ACSS3: variants seen among roughly 807,000 people sequenced by gnomAD.
ACSS3 encodes the protein acyl-CoA synthetase short chain family member 3.
A neutral mutation model predicts 84.2 loss-of-function variants in ACSS3; 64 were observed. That is an observed-to-expected ratio of 0.76 (90% CI 0.62 to 0.94). The LOEUF (loss-of-function observed/expected upper bound fraction) is 0.94. Ranked by LOEUF, ACSS3 falls within the 40% of genes least tolerant of loss-of-function variation. The probability of loss-of-function intolerance (pLI) is 0.00; values close to 1 mark genes in which losing one functional copy is unlikely to be tolerated. For synonymous variants in ACSS3, 317 were observed against 310.1 expected (o/e 1.02, Z -0.23); for missense variants, 815 against 867.6 (o/e 0.94, Z 0.76).
chr12:81,218,938 TAAA>T (rs930063555), intron 10 of ACSS3, among the ~76,000 whole-genome samples: 1 of 150,522 alleles, frequency 6.6e-6, no homozygotes, highest in Admixed American at 6.6e-5. Flanking sequence ...AGTATAATAA[TAAA>T]AAAAAACGCA....
At chr12:81,167,008 CAG>C (rs1887434745) in intron 7 of ACSS3, among the ~76,000 whole-genome samples, 1 of 152,148 alleles carries the variant, frequency 6.6e-6, no homozygotes, top group Admixed American at 6.5e-5. Context: ...TGAAATAACT[CAG>C]AGATGAAAAC....
At chr12:81,199,586 C>T in intron 9 of ACSS3, 142 bp downstream of exon 9, 1 of 1,475,692 alleles carries the variant, frequency 6.8e-7, no homozygotes, top group Non-Finnish European at 9.1e-7. Context: ...TAAAAATAAG[C>T]AATTTTTTTA....
In ACSS3 at chr12:81,259,583, A is replaced by T. The variant is rs759257542; in HGVS notation, c.*4661A>T. The T allele has an allele frequency of 1.5e-5, 23 of 1,492,336 alleles. No individual in the cohort carries two copies. In the South Asian group the frequency reaches 2.8e-4, roughly 18 times the overall value. 92.4% of individuals were successfully genotyped at this position (1,492,336 alleles called of 1,614,324 possible). A position where few individuals can be genotyped will look rare whatever the true frequency, so the allele number is the denominator to read the frequency against. ...TGACGTCATTATTTCCTTAGAATTC[A>T]GTTTTCACAAAGGTTTTCACTGCTC... On this transcript the variant is annotated 3_prime_UTR_variant, in exon 16 of 16. Coordinates refer to ENST00000548058, the MANE Select transcript of ACSS3 (RefSeq NM_024560.4).
intron 9 of ACSS3, among the ~76,000 whole-genome samples, chr12:81,208,474 G>A (rs544443588): frequency 3.3e-5 from 5 of 151,798 alleles, no homozygotes; most frequent in South Asian, 2.1e-4. Context: ...CTTTTGCCCC[G>A]TATCCAGACA....
intron 9 of ACSS3, among the ~76,000 whole-genome samples, chr12:81,214,160 G>A (rs1211543912): frequency 2.0e-5 from 3 of 151,460 alleles, no homozygotes; most frequent in African/African-American, 7.3e-5. Context: ...CAAGTAGCTG[G>A]GATTGCAGGT....
intron 2 of ACSS3, among the ~76,000 whole-genome samples, chr12:81,123,254 A>G (rs1480570284): frequency 6.6e-6 from 1 of 152,096 alleles, no homozygotes; most frequent in Non-Finnish European, 1.5e-5. Flanking sequence ...AAAAAATTAA[A>G]GGAAGATTTT....
rs12302751 is a variant in ACSS3, at chr12:81,079,860, A to T, written c.311+1429A>T. On this transcript the variant is annotated intron_variant, in intron 1 of 15. Transcript: ENST00000548058. ...AAATATGGAAATAATTGGAGGCTTAACTTAGTAAAGGATGAAGACTATGTC... is the reference window on the plus strand; with the variant it reads ...AAATATGGAAATAATTGGAGGCTTATCTTAGTAAAGGATGAAGACTATGTC... Among the ~76,000 whole-genome samples the T allele has an allele frequency of 7.6e-3, 1,164 of 152,270 alleles. 18 individuals carry two copies. The highest frequency in any genetic ancestry group is 0.027 in the African/African-American group (1,122 of 41,556).
intron 7 of ACSS3, among the ~76,000 whole-genome samples, chr12:81,162,627 G>A (rs1264231509): frequency 6.6e-6 from 1 of 152,078 alleles, no homozygotes; most frequent in African/African-American, 2.4e-5. Flanking sequence ...TGAAGGGGAG[G>A]CTTCACTGGG....
chr12:81,138,958 T>G (rs909256073), intron 3 of ACSS3, among the ~76,000 whole-genome samples, 173 bp from the exon 4 acceptor site: 1 of 152,198 alleles, frequency 6.6e-6, no homozygotes, highest in African/African-American at 2.4e-5. Context: ...GTAGAAGTGA[T>G]CAAGTCTCTA....
chr12:81,195,240 A>G lies in ACSS3; in HGVS notation c.1251-4101A>G, dbSNP rs139772464. 2.6e-5 allele frequency among the ~76,000 whole-genome samples: 4 copies of G among 152,152 alleles called. No homozygotes were observed. In the East Asian group the frequency reaches 7.7e-4, roughly 29 times the overall value. On this transcript the variant is annotated intron_variant, in intron 8 of 15. Coordinates refer to ENST00000548058, the MANE Select transcript of ACSS3 (RefSeq NM_024560.4). ...CACAGGAGTTTTCTAAAATATCAGAAAAGTGTTTGAATAACATATGATTAA... is the reference window on the plus strand; with the variant it reads ...CACAGGAGTTTTCTAAAATATCAGAGAAGTGTTTGAATAACATATGATTAA...
chr12:81,162,340 C>T (rs1378202209), intron 7 of ACSS3, among the ~76,000 whole-genome samples: 4 of 152,154 alleles, frequency 2.6e-5, no homozygotes, highest in African/African-American at 9.7e-5. Flanking sequence ...TGAGAGGACA[C>T]CCAGAGTGGG....
chr12:81,130,638 C>G (rs2701786), intron 2 of ACSS3, among the ~76,000 whole-genome samples: 47,277 of 151,966 alleles, frequency 0.31, 7,622 homozygotes, highest in Admixed American at 0.44. Context: ...TTAATTAGAT[C>G]CCATTTGTCT....
chr12:81,192,691 G>T (rs2031633987), intron 8 of ACSS3, among the ~76,000 whole-genome samples: 2 of 152,112 alleles, frequency 1.3e-5, no homozygotes, highest in African/African-American at 2.4e-5. Flanking sequence ...CCTTTCCCAA[G>T]AAATTATTAT....
chr12:81,221,037 A>AT (rs1195140882), intron 11 of ACSS3, among the ~76,000 whole-genome samples: 3 of 152,004 alleles, frequency 2.0e-5, no homozygotes, highest in Admixed American at 1.3e-4. Flanking sequence ...TCTTGTTAAC[A>AT]TTTTTTTAAA....
intron 8 of ACSS3, among the ~76,000 whole-genome samples, chr12:81,192,378 T>C (rs1200561512): frequency 2.0e-5 from 3 of 151,864 alleles, no homozygotes; most frequent in East Asian, 3.9e-4. Flanking sequence ...AGACTCCATC[T>C]CAGGAAAAAA....
chr12:81,230,954 T>C, intron 11 of ACSS3, 103 bp from the exon 12 acceptor site: 1 of 900,154 alleles, frequency 1.1e-6, no homozygotes, highest in Non-Finnish European at 1.7e-6. Flanking sequence ...CAATGTAGGA[T>C]TTGAATTGTA....
Position 81,253,328 on chromosome 12 carries a change from G to C in ACSS3, c.1741G>C (p.Val581Leu). The change falls in exon 14 of 16, where the codon GTG (valine) becomes CTG (leucine). Residue 581 changes from valine (V) to leucine (L), a missense_variant. Transcript: ENST00000548058. ...IEESILSHGT[V>L]ADCAVVGKED... ...ACAGTCAATCCTTTCCCATGGTACC[G>C]TGGCAGACTGTGCTGTTGTTGGCAA... The C allele has an allele frequency of 6.2e-7, 1 of 1,613,730 alleles. No homozygotes were observed. Among genetic ancestry groups the C allele is most frequent in the Non-Finnish European group, 8.5e-7 (1 of 1,179,832 alleles).
At chr12:81,143,033 A>G (rs1886165590) in intron 4 of ACSS3, 74 bp from the exon 5 acceptor site, 1 of 1,345,894 alleles carries the variant, frequency 7.4e-7, no homozygotes, top group Admixed American at 2.3e-5. Context: ...AGACTTAAAT[A>G]GATTTAGCTA....
intron 2 of ACSS3, among the ~76,000 whole-genome samples, chr12:81,119,269 A>G (rs1448989344): frequency 6.6e-6 from 1 of 152,158 alleles, no homozygotes; most frequent in Non-Finnish European, 1.5e-5. Flanking sequence ...TCTGAGGCTA[A>G]TAAAGATCAC....
Sources: allele counts gnomAD v4.1 joint callset (sites outside exome capture counted in the v4.1 genomes callset), GRCh38; gene constraint gnomAD v4.1.1; transcripts MANE v1.5; gene names NCBI Gene and HGNC (gene_info 2026-07-23, HGNC 2026-07-21).